Variants in ZNF674 observed in about 807,000 individuals in gnomAD.
ZNF674 encodes the protein zinc finger protein 674, also known as zinc finger family member 674.
In ZNF674, 2 loss-of-function variants were observed where a neutral mutation model predicts 7.0. The observed-to-expected ratio is 0.29, with a 90% CI of 0.12 to 0.90. The LOEUF is 0.90. Among genes scored for constraint, ZNF674 ranks in the 40% least tolerant of loss-of-function variants. The pLI, the probability that ZNF674 is intolerant of heterozygous loss-of-function variation, is 0.57. For missense variants in ZNF674, 297 were observed against 415.5 expected (o/e 0.71, Z 2.48); for synonymous variants, 103 against 145.2 (o/e 0.71, Z 2.09).
chrX:46,504,541 C>T (rs1230749652), intron 5 of ZNF674, among the ~76,000 whole-genome samples: 1 of 110,606 alleles, frequency 9.0e-6, no homozygotes. Flanking sequence ...CGGGATTTCA[C>T]CATGTTGGCC....
At chrX:46,504,754 T>C (rs1224637201) in intron 5 of ZNF674, among the ~76,000 whole-genome samples, 2 of 111,267 alleles carry the variant, frequency 1.8e-5, no homozygotes, top group Non-Finnish European at 3.8e-5. Context: ...TTTAGAAGGA[T>C]ACTCACAAAA....
intron 3 of ZNF674, among the ~76,000 whole-genome samples, chrX:46,531,823 A>G (rs1485616174): frequency 9.0e-6 from 1 of 111,059 alleles, no homozygotes; most frequent in South Asian, 3.7e-4. Flanking sequence ...TAGAACTTAA[A>G]GTATAATAAA....
At chrX:46,540,424 T>A (rs1942272839) in intron 3 of ZNF674, among the ~76,000 whole-genome samples, 1 of 112,102 alleles carries the variant, frequency 8.9e-6, no homozygotes, top group Non-Finnish European at 1.9e-5. Context: ...TTCAATTTTT[T>A]AATGCTCTAT....
intron 5 of ZNF674, among the ~76,000 whole-genome samples, chrX:46,503,839 T>C (rs986525437): frequency 2.7e-5 from 3 of 111,285 alleles, no homozygotes; most frequent in African/African-American, 9.8e-5. Context: ...ATTGAAAATA[T>C]ACAGCCTGGG....
intron 2 of ZNF674, among the ~76,000 whole-genome samples, chrX:46,543,861 A>G (rs1217411947): frequency 8.9e-6 from 1 of 112,604 alleles, no homozygotes; most frequent in Non-Finnish European, 1.9e-5. Flanking sequence ...GGATGACAGC[A>G]TACCTAGAGA....
chrX:46,519,265 A>ATAGATAG (rs1569476445), intron 5 of ZNF674, among the ~76,000 whole-genome samples: 5 of 45,740 alleles, frequency 1.1e-4, no homozygotes, highest in Middle Eastern at 0.013. Context: ...TAGATAGATA[A>ATAGATAG]AGATAGATGA....
intron 5 of ZNF674, among the ~76,000 whole-genome samples, chrX:46,508,985 A>G (rs1282023776): frequency 1.8e-5 from 2 of 111,067 alleles, no homozygotes; most frequent in African/African-American, 6.6e-5. Flanking sequence ...ATAATGCCGC[A>G]TATCGACAAC....
At chrX:46,504,344 A>G (rs1053786170) in intron 5 of ZNF674, among the ~76,000 whole-genome samples, 2 of 110,095 alleles carry the variant, frequency 1.8e-5, no homozygotes, top group Non-Finnish European at 3.8e-5. Flanking sequence ...AGATCCCTAT[A>G]ATTTTTTTTT....
chrX:46,526,288 G>A (rs1221946471), intron 5 of ZNF674, among the ~76,000 whole-genome samples: 1 of 111,475 alleles, frequency 9.0e-6, no homozygotes, highest in African/African-American at 3.3e-5. Flanking sequence ...TCAACTGTTT[G>A]GTTTTTTTTG....
chrX:46,514,901 G>C (rs1941733165), intron 5 of ZNF674, among the ~76,000 whole-genome samples: 1 of 112,141 alleles, frequency 8.9e-6, no homozygotes, highest in African/African-American at 3.2e-5. Flanking sequence ...TTTGCTGGGA[G>C]AGAGCTTTTC....
chrX:46,520,899 A>T (rs1287360631), intron 5 of ZNF674, among the ~76,000 whole-genome samples: 1 of 111,793 alleles, frequency 8.9e-6, no homozygotes, highest in African/African-American at 3.3e-5. Context: ...GTGAAAAGAC[A>T]ATCTAGACTG....
intron 1 of ZNF674, 43 bp downstream of exon 1, chrX:46,545,328 C>G (rs1395731233): frequency 8.9e-6 from 1 of 111,831 alleles, no homozygotes; most frequent in Middle Eastern, 4.2e-3. Context: ...CCCGTCCCCC[C>G]TTCCCCCGAT....
chrX:46,505,203 T>A (rs1183925011), intron 5 of ZNF674, among the ~76,000 whole-genome samples: 3 of 111,869 alleles, frequency 2.7e-5, no homozygotes, highest in Non-Finnish European at 3.8e-5. Context: ...CTTTTATTTT[T>A]AAAAAAATGA....
intron 5 of ZNF674, among the ~76,000 whole-genome samples, chrX:46,508,237 G>A (rs1407216391): frequency 9.0e-6 from 1 of 111,058 alleles, no homozygotes; most frequent in Non-Finnish European, 1.9e-5. Context: ...GCCATATCCA[G>A]ATGGTTTTGA....
At chrX:46,530,914 A>C (rs1160088492) in intron 3 of ZNF674, among the ~76,000 whole-genome samples, 2 of 111,334 alleles carry the variant, frequency 1.8e-5, no homozygotes, top group Admixed American at 1.9e-4. Context: ...TCTGTGATGA[A>C]GCCTCCGAAA....
chrX:46,539,620 T>C (rs978162280), intron 3 of ZNF674, among the ~76,000 whole-genome samples: 26 of 112,755 alleles, frequency 2.3e-4, no homozygotes, highest in African/African-American at 8.0e-4. Flanking sequence ...TTTTAAACAT[T>C]GGATAATTCT....
Position 46,530,873 on chromosome X carries a change from T to C in ZNF674, c.16-1964A>G, listed in dbSNP as rs771755667. Among the ~76,000 whole-genome samples the C allele has an allele frequency of 2.4e-4, 27 of 111,897 alleles. No homozygotes were observed. The South Asian group carries it at 9.7e-3, about 40-fold the overall frequency. ...GAGGGGAGAGGAGATGAAGGTTGAG[T>C]TGATCACCAAGGGCCAATGATGATC... On this transcript the variant is annotated intron_variant, in intron 3 of 5. Transcript: ENST00000683375.
chrX:46,520,425 G>A (rs1004150455), intron 5 of ZNF674, among the ~76,000 whole-genome samples: 1 of 110,806 alleles, frequency 9.0e-6, no homozygotes, highest in Non-Finnish European at 1.9e-5. Context: ...ATAATAAAAA[G>A]AGTGACATGA....
intron 3 of ZNF674, among the ~76,000 whole-genome samples, chrX:46,537,893 G>A (rs970295828): frequency 9.0e-5 from 10 of 111,302 alleles, no homozygotes; most frequent in Non-Finnish European, 1.7e-4. Context: ...ATTCAAGATC[G>A]GCCTGGCCAG....
Sources: allele counts gnomAD v4.1 joint callset (sites outside exome capture counted in the v4.1 genomes callset), GRCh38; gene constraint gnomAD v4.1.1; transcripts MANE v1.5; gene names NCBI Gene and HGNC (gene_info 2026-07-23, HGNC 2026-07-21).